Variants in NELL1 observed in about 807,000 individuals in gnomAD.
NELL1 encodes neural EGFL like 1, also known as protein kinase C-binding protein NELL1.
NELL1 carries 76 observed loss-of-function variants against 107.4 expected under a neutral mutation model. The ratio of observed to expected loss-of-function variants is 0.71; its 90% CI spans 0.59 to 0.86. The LOEUF (loss-of-function observed/expected upper bound fraction) is 0.86, where lower values mean the gene tolerates loss of function less well. NELL1 is among the 40% of genes least tolerant of loss of function. The pLI is 0.00. For synonymous variants in NELL1, 353 were observed against 341.2 expected, an observed-to-expected ratio of 1.03 and a Z score of -0.38; for missense variants, 1,024 against 1,005.5, an observed-to-expected ratio of 1.02 and a Z score of -0.25.
intron 15 of NELL1, among the ~76,000 whole-genome samples, chr11:21,382,751 G>A (rs1309125749): frequency 1.3e-5 from 2 of 151,868 alleles, no homozygotes; most frequent in Non-Finnish European, 2.9e-5. Flanking sequence ...AGCTGTTAGA[G>A]ATTACCTTGC....
intron 2 of NELL1, among the ~76,000 whole-genome samples, chr11:20,684,848 C>T (rs1051862828): frequency 6.6e-6 from 1 of 152,070 alleles, no homozygotes; most frequent in African/African-American, 2.4e-5. Context: ...CTTCAGCGTA[C>T]TCTACCCAGT....
intron 12 of NELL1, among the ~76,000 whole-genome samples, chr11:21,082,804 A>G (rs908662728): frequency 6.6e-6 from 1 of 152,192 alleles, no homozygotes; most frequent in Non-Finnish European, 1.5e-5. Flanking sequence ...ATCTTCTTCA[A>G]CTGAAATGCT....
intron 3 of NELL1, among the ~76,000 whole-genome samples, chr11:20,839,370 T>C (rs1191589221): frequency 2.0e-5 from 3 of 152,186 alleles, no homozygotes; most frequent in African/African-American, 7.2e-5. Flanking sequence ...ACAGAACTAA[T>C]ATGTAACTTT....
chr11:21,179,213 A>G (rs1856774263), intron 13 of NELL1, among the ~76,000 whole-genome samples: 1 of 151,898 alleles, frequency 6.6e-6, no homozygotes, highest in South Asian at 2.1e-4. Context: ...TGAAAACATA[A>G]AATATTTTGA....
At chr11:20,951,767 C>T (rs1302845184) in intron 11 of NELL1, among the ~76,000 whole-genome samples, 2 of 152,064 alleles carry the variant, frequency 1.3e-5, no homozygotes, top group African/African-American at 4.8e-5. Flanking sequence ...TGGTCTCAGT[C>T]ACACAACAGC....
intron 2 of NELL1, among the ~76,000 whole-genome samples, chr11:20,680,503 GA>G (rs1318372497): frequency 6.6e-6 from 1 of 152,096 alleles, no homozygotes; most frequent in African/African-American, 2.4e-5. Context: ...GTGGTCTTAT[GA>G]AACTGGAAAA....
chr11:21,142,254 C>T (rs1855885278), intron 13 of NELL1, among the ~76,000 whole-genome samples: 1 of 152,160 alleles, frequency 6.6e-6, no homozygotes, highest in African/African-American at 2.4e-5. Context: ...AAGAAACATG[C>T]CTTGGTGGTA....
At chr11:20,931,655 T>C (rs1026298699) in intron 9 of NELL1, among the ~76,000 whole-genome samples, 4 of 152,168 alleles carry the variant, frequency 2.6e-5, no homozygotes, top group African/African-American at 9.7e-5. Context: ...TTTAATCCAG[T>C]CTGACAGTCT....
At chr11:20,882,945 A>C (rs1849437256) in intron 4 of NELL1, among the ~76,000 whole-genome samples, 1 of 152,122 alleles carries the variant, frequency 6.6e-6, no homozygotes, top group South Asian at 2.1e-4. Flanking sequence ...ACTGTCTTTC[A>C]ATTGAGGTTT....
intron 14 of NELL1, among the ~76,000 whole-genome samples, chr11:21,318,494 A>T (rs1422160852): frequency 5.9e-5 from 9 of 152,188 alleles, no homozygotes; most frequent in Non-Finnish European, 1.0e-4. Context: ...TTATTGCTCT[A>T]TCAGACCATA....
At chr11:21,188,673 A>G (rs1010102613) in intron 13 of NELL1, among the ~76,000 whole-genome samples, 6 of 151,912 alleles carry the variant, frequency 3.9e-5, no homozygotes, top group African/African-American at 1.5e-4. Context: ...ACAGTGGATA[A>G]AGAACAGATG....
chr11:20,803,033 A>AT (rs977915973), intron 3 of NELL1, among the ~76,000 whole-genome samples: 1 of 151,842 alleles, frequency 6.6e-6, no homozygotes, highest in East Asian at 1.9e-4. Context: ...AATTTTCTTT[A>AT]TTTTTTTACA....
intron 14 of NELL1, among the ~76,000 whole-genome samples, chr11:21,238,513 T>TA (rs1858267458): frequency 6.6e-6 from 1 of 152,012 alleles, no homozygotes; most frequent in Non-Finnish European, 1.5e-5. Flanking sequence ...GACACTTTAA[T>TA]AAATGAGAGG....
At position 20,670,257 on chromosome 11, in the gene NELL1, G is replaced by A. The variant is rs1853866810; in HGVS notation, c.55+479G>A. Among the ~76,000 whole-genome samples, 3 of 152,202 alleles carry A rather than the reference G, an allele frequency of 2.0e-5. 1 individual carries two copies. Among genetic ancestry groups the A allele is most frequent in the South Asian group, 4.1e-4 (2 of 4,826 alleles). On this transcript the variant is annotated intron_variant, in intron 1 of 19. Coordinates refer to ENST00000357134, the MANE Select transcript of NELL1 (RefSeq NM_006157.5). ...CGGCCGGGGCCCGGGAGGGCGCGGT[G>A]CGGCGAGGGCAGAGAGCTGCGGGAG...
At chr11:21,535,204 A>C (rs897478930) in intron 16 of NELL1, among the ~76,000 whole-genome samples, 1 of 152,116 alleles carries the variant, frequency 6.6e-6, no homozygotes, top group African/African-American at 2.4e-5. Flanking sequence ...TCAAGACCTT[A>C]CAACTTTCAT....
chr11:21,213,161 T>C (rs1302590317), intron 13 of NELL1, among the ~76,000 whole-genome samples: 2 of 152,054 alleles, frequency 1.3e-5, no homozygotes, highest in East Asian at 3.9e-4. Context: ...GTTAAAAGTC[T>C]AACAAAACAT....
At chr11:21,077,954 A>T (rs1854180171) in intron 12 of NELL1, among the ~76,000 whole-genome samples, 1 of 152,170 alleles carries the variant, frequency 6.6e-6, no homozygotes, top group Non-Finnish European at 1.5e-5. Context: ...AATATAGATT[A>T]GTAAATTATA....
At chr11:21,282,478 CAA>C (rs35632941) in intron 14 of NELL1, among the ~76,000 whole-genome samples, 274 of 74,414 alleles carry the variant, frequency 3.7e-3, no homozygotes, top group Non-Finnish European at 5.0e-3. Context: ...GACTCTGTCT[CAA>C]AAAAAAAAAA....
chr11:20,699,997 C>T (rs1247241439), intron 2 of NELL1, among the ~76,000 whole-genome samples: 1 of 151,438 alleles, frequency 6.6e-6, no homozygotes, highest in Non-Finnish European at 1.5e-5. Flanking sequence ...GGTGGTATCT[C>T]ATTGTGGTTT....
Sources: gnomAD v4.1 joint callset for allele counts (sites outside exome capture counted in the v4.1 genomes callset) on GRCh38, gnomAD v4.1.1 for gene constraint, MANE v1.5 for transcripts, NCBI Gene and HGNC (gene_info 2026-07-23, HGNC 2026-07-21) for gene names.